ETV5: variants seen among roughly 807,000 people sequenced by gnomAD.
ETV5 encodes the protein ETS translocation variant 5.
Under a neutral mutation model 70.0 loss-of-function variants are expected in ETV5, and 10 were observed. The observed-to-expected ratio is 0.14, with a 90% CI of 0.09 to 0.24. ETV5 has a LOEUF of 0.24. Among genes scored for constraint, ETV5 ranks in the 10% least tolerant of loss-of-function variants. ETV5 has a pLI of 1.00. For missense variants in ETV5, 453 were observed against 651.2 expected, an observed-to-expected ratio of 0.70 and a Z score of 3.31; for synonymous variants, 216 against 242.2, an observed-to-expected ratio of 0.89 and a Z score of 1.01.
chr3:186,090,189 G>A (rs544462038), intron 5 of ETV5, among the ~76,000 whole-genome samples: 1 of 152,268 alleles, frequency 6.6e-6, no homozygotes, highest in East Asian at 1.9e-4. Context: ...GTCGACAAAT[G>A]AAGAAAGCCA....
intron 5 of ETV5, among the ~76,000 whole-genome samples, chr3:186,096,990 A>AGACCACCCCCAGCAC (rs1444957071): frequency 1.3e-5 from 2 of 152,194 alleles, no homozygotes; most frequent in African/African-American, 4.8e-5. Context: ...CAACACAGCA[A>AGACCACCCCCAGCAC]GACCACCCCC....
At chr3:186,079,210 C>G in intron 7 of ETV5, 1 of 453,786 alleles carries the variant, frequency 2.2e-6, no homozygotes, top group Non-Finnish European at 3.1e-6. Context: ...AGAAGGTTCC[C>G]TTCACACACT....
In ETV5 at chr3:186,047,268, T is replaced by C. The variant is rs549012061; in HGVS notation, c.*1371A>G. 4.8e-5 allele frequency: 11 copies of C among 229,388 alleles called. No homozygotes were observed. The South Asian group carries it at 2.0e-3, about 42-fold the overall frequency. 14.2% of individuals were successfully genotyped at this position (229,388 alleles called of 1,614,324 possible). On this transcript the variant is annotated 3_prime_UTR_variant, in exon 13 of 13. Coordinates refer to ENST00000306376, the MANE Select transcript of ETV5 (RefSeq NM_004454.3). Reference sequence around the variant, plus strand: ...CAATATAATACAGCAATGAGAATAATTTCTTTTTAAAAAAAGGCAGGAATC... The same window carrying C: ...CAATATAATACAGCAATGAGAATAACTTCTTTTTAAAAAAAGGCAGGAATC...
chr3:186,090,181 C>T (rs1358612402), intron 5 of ETV5, among the ~76,000 whole-genome samples: 3 of 152,144 alleles, frequency 2.0e-5, no homozygotes, highest in African/African-American at 7.2e-5. Context: ...AACCATACGT[C>T]GACAAATGAA....
At chr3:186,108,351 C>T in intron 1 of ETV5, 3 of 523,734 alleles carry the variant, frequency 5.7e-6, no homozygotes, top group South Asian at 4.6e-5. Context: ...CGCCCTCAGC[C>T]TGCTGGGTGG....
At chr3:186,108,779 C>T (rs1053915082) in intron 1 of ETV5, 161 bp downstream of exon 1, 3 of 549,636 alleles carry the variant, frequency 5.5e-6, no homozygotes, top group East Asian at 2.4e-4. Flanking sequence ...GACCGGGCCG[C>T]GGGGGGAGGG....
At position 186,052,214 on chromosome 3, in the gene ETV5, T is replaced by C; in HGVS notation, c.1210-83A>G. ...CTCCCAATCCCAGCAGAGCCAGTTC[T>C]GTAACCTGACTGCTTTGGTCAATGA... is the stretch of plus-strand genomic sequence containing the variant. On this transcript the variant is annotated intron_variant, in intron 11 of 12. Coordinates refer to ENST00000306376, the MANE Select transcript of ETV5 (RefSeq NM_004454.3). This position sits in a 1 kb window ranked among gnomAD's most constrained non-coding sequence, Gnocchi z 4.5. 7.5e-7 allele frequency: 1 copy of C among 1,327,300 alleles called. No individual in the cohort carries two copies. The highest frequency in any genetic ancestry group is 1.1e-6 in the Non-Finnish European group (1 of 926,454). The allele number at this position is 1,327,300 out of a possible 1,614,324, so 82.2% of individuals were successfully genotyped here.
At position 186,054,426 on chromosome 3, in the gene ETV5, A is replaced by C. The variant is rs1299085307; in HGVS notation, c.1210-2295T>G. Among the ~76,000 whole-genome samples the C allele has an allele frequency of 1.3e-5, 2 of 152,164 alleles. No homozygotes were observed. Among genetic ancestry groups the C allele is most frequent in the East Asian group, 3.9e-4 (2 of 5,190 alleles). On this transcript the variant is annotated intron_variant, in intron 11 of 12. Coordinates refer to ENST00000306376, the MANE Select transcript of ETV5 (RefSeq NM_004454.3). The surrounding 1 kb of genome is among the most constrained non-coding windows in gnomAD (Gnocchi z 4.4). ...CCCTTCAAACCTCCCAGCAGCAGTT[A>C]TCTGCCACATGTTCAACAAACAACC...
intron 5 of ETV5, among the ~76,000 whole-genome samples, chr3:186,089,496 C>T (rs1191420905): frequency 1.3e-5 from 2 of 152,308 alleles, no homozygotes; most frequent in East Asian, 3.9e-4. Context: ...CTCAAACATG[C>T]ACAAATGATC....
intron 5 of ETV5, among the ~76,000 whole-genome samples, chr3:186,104,274 C>T (rs1003845390): frequency 2.0e-5 from 3 of 152,186 alleles, no homozygotes; most frequent in Non-Finnish European, 4.4e-5. Flanking sequence ...TAAAAGCTCC[C>T]AAACCTGTTG....
At position 186,079,641 on chromosome 3, in the gene ETV5, G is replaced by A. The variant is rs570312142; in HGVS notation, c.650+176C>T. On this transcript the variant is annotated intron_variant, in intron 7 of 12. Coordinates refer to ENST00000306376, the MANE Select transcript of ETV5 (RefSeq NM_004454.3). ...AACCATCTGGAGTACCTTGGGAACAGGGTGGTATATAAACAGTCATATTCG... is the reference window on the plus strand; with the variant it reads ...AACCATCTGGAGTACCTTGGGAACAAGGTGGTATATAAACAGTCATATTCG... Among the ~76,000 whole-genome samples the A allele has an allele frequency of 2.6e-5, 4 of 152,308 alleles. No homozygotes were observed. The South Asian group carries it at 8.3e-4, about 32-fold the overall frequency.
At chr3:186,093,125 C>A (rs759646643) in intron 5 of ETV5, among the ~76,000 whole-genome samples, 1 of 152,146 alleles carries the variant, frequency 6.6e-6, no homozygotes, top group Non-Finnish European at 1.5e-5. Flanking sequence ...TCAGCAATTC[C>A]AGCTTAGGGG....
rs1457546588 is a variant in ETV5 at position 186,052,970 on chromosome 3, T to C, written c.1210-839A>G. Among the ~76,000 whole-genome samples, 4 of 152,016 alleles carry C rather than the reference T, an allele frequency of 2.6e-5. No individual in the cohort carries two copies. The highest frequency in any genetic ancestry group is 9.7e-5 in the African/African-American group (4 of 41,366). Reference sequence around the variant, plus strand: ...GAGAATGACTGTCAAGGTAGTAGAATAACCCTGGAAATGTGAGTTTTACTC... The same window carrying C: ...GAGAATGACTGTCAAGGTAGTAGAACAACCCTGGAAATGTGAGTTTTACTC... On this transcript the variant is annotated intron_variant, in intron 11 of 12. Transcript: ENST00000306376. This position sits in a 1 kb window ranked among gnomAD's most constrained non-coding sequence, Gnocchi z 4.5.
At position 186,048,725 on chromosome 3, in the gene ETV5, G is replaced by A. The variant is rs775225536; in HGVS notation, c.1447C>T (p.Leu483=). 1.2e-6 allele frequency: 2 copies of A among 1,614,172 alleles called. No individual in the cohort carries two copies. Among genetic ancestry groups the A allele is most frequent in the East Asian group, 4.5e-5 (2 of 44,886 alleles). ...CHLSEEDTLP[L]THFEDSPAYL... is the part of the protein sequence containing the mutation. ...GCGGGGCTGTCTTCAAAGTGGGTCA[G>A]CGGCAGGGTGTCCTCCTCGCTGAGG... Residue 483 remains leucine, a synonymous_variant, in exon 13 of 13, where the codon CTG becomes TTG. Coordinates refer to ENST00000306376, the MANE Select transcript of ETV5 (RefSeq NM_004454.3).
At position 186,081,230 on chromosome 3, in the gene ETV5, G is replaced by A. The variant is rs1713927804; in HGVS notation, c.233-55C>T. The A allele has an allele frequency of 4.6e-6, 7 of 1,526,540 alleles. No individual in the cohort carries two copies. In the South Asian group the frequency reaches 8.6e-5, roughly 19 times the overall value. 94.6% of individuals were successfully genotyped at this position (1,526,540 alleles called of 1,614,324 possible). On this transcript the variant is annotated intron_variant, in intron 5 of 12. Coordinates refer to ENST00000306376, the MANE Select transcript of ETV5 (RefSeq NM_004454.3). ...TAGAGAGAGAACAGCTGATTAACAG[G>A]GAGCACAATGCTTCCTTCTGCAAAC... is the stretch of plus-strand genomic sequence containing the variant.
intron 7 of ETV5, among the ~76,000 whole-genome samples, chr3:186,074,775 G>A (rs551597486): frequency 1.3e-5 from 2 of 150,276 alleles, no homozygotes; most frequent in African/African-American, 4.9e-5. Context: ...TTAGCTGGGC[G>A]TGGTGGTGCC....
intron 5 of ETV5, among the ~76,000 whole-genome samples, chr3:186,099,313 T>C (rs1714394334): frequency 6.6e-6 from 1 of 152,230 alleles, no homozygotes; most frequent in African/African-American, 2.4e-5. Context: ...AAGCCTCTGT[T>C]AAATGAGCTT....
chr3:186,085,558 G>A (rs1217314309), intron 5 of ETV5, among the ~76,000 whole-genome samples: 2 of 149,680 alleles, frequency 1.3e-5, no homozygotes, highest in African/African-American at 4.9e-5. Context: ...GCCCAGGCTG[G>A]AGTGCAATGG....
chr3:186,069,341 C>T (rs546865427), intron 7 of ETV5, among the ~76,000 whole-genome samples: 7 of 152,194 alleles, frequency 4.6e-5, no homozygotes, highest in Non-Finnish European at 1.0e-4. Flanking sequence ...TTTCATGGGG[C>T]GCTGAATGCC....
Sources: allele counts gnomAD v4.1 joint callset (sites outside exome capture counted in the v4.1 genomes callset), GRCh38; gene constraint gnomAD v4.1.1; non-coding constraint Gnocchi (gnomAD v3.1); transcripts MANE v1.5; gene names NCBI Gene and HGNC (gene_info 2026-07-23, HGNC 2026-07-21).